The following NLK variants were observed in gnomAD, a reference collection of about 807,000 sequenced individuals.
The protein encoded by NLK is nemo like kinase.
Under a neutral mutation model 59.0 loss-of-function variants are expected in NLK, and 11 were observed. That is an observed-to-expected ratio of 0.19 (90% CI 0.12 to 0.31). NLK has a LOEUF of 0.31. Ranked by LOEUF, NLK falls within the 10% of genes least tolerant of loss-of-function variation. The pLI is 1.00. For missense variants in NLK, 410 were observed against 661.1 expected (o/e 0.62, Z 4.16); for synonymous variants, 235 against 235.9 (o/e 1.00, Z 0.03).
chr17:28,051,019 G>C (rs955699419), intron 1 of NLK, among the ~76,000 whole-genome samples: 2 of 150,996 alleles, frequency 1.3e-5, no homozygotes, highest in African/African-American at 4.9e-5. Flanking sequence ...GTCTGAGGTT[G>C]CAGTGAGCTG....
intron 1 of NLK, among the ~76,000 whole-genome samples, chr17:28,092,049 T>G (rs1490851359): frequency 1.3e-5 from 2 of 152,256 alleles, no homozygotes; most frequent in Non-Finnish European, 2.9e-5. Flanking sequence ...GCTAACAATA[T>G]ACAGGTTTTT....
Position 28,042,835 on chromosome 17 carries a change from G to T in NLK, c.-39G>T. 6.9e-7 allele frequency: 1 copy of T among 1,457,528 alleles called. No individual in the cohort carries two copies. Among genetic ancestry groups the T allele is most frequent in the South Asian group, 1.4e-5 (1 of 69,984 alleles). 90.3% of individuals were successfully genotyped at this position (1,457,528 alleles called of 1,614,324 possible). On this transcript the variant is annotated 5_prime_UTR_variant, in exon 1 of 11. The change abolishes the stop of an existing upstream ORF in the 5' untranslated region. Coordinates refer to ENST00000407008, the MANE Select transcript of NLK (RefSeq NM_016231.5). ...TTTTTAAATGGCCAAATGACAGCTT[G>T]ACCCAGTTTGCTTTCCAATCAAAGG...
chr17:28,075,773 A>C (rs1186977041), intron 1 of NLK, among the ~76,000 whole-genome samples: 1 of 152,024 alleles, frequency 6.6e-6, no homozygotes, highest in African/African-American at 2.4e-5. Flanking sequence ...CCCCCACTTC[A>C]TAAGCTTCCT....
chr17:28,082,228 A>G (rs1910373448), intron 1 of NLK, among the ~76,000 whole-genome samples: 1 of 151,832 alleles, frequency 6.6e-6, no homozygotes, highest in African/African-American at 2.4e-5. Flanking sequence ...TTTTTAAGTA[A>G]CTCCTTAAAT....
chr17:28,057,069 C>T (rs1025592238), intron 1 of NLK, among the ~76,000 whole-genome samples: 1 of 151,718 alleles, frequency 6.6e-6, no homozygotes, highest in Admixed American at 6.6e-5. Flanking sequence ...ATTCTCCTGC[C>T]TCAGCCTCCT....
chr17:28,154,355 A>T (rs1907611838), intron 3 of NLK, among the ~76,000 whole-genome samples: 1 of 152,190 alleles, frequency 6.6e-6, no homozygotes, highest in Non-Finnish European at 1.5e-5. Context: ...ACACCCACTA[A>T]CATAGAATTC....
chr17:28,177,214 A>G (rs562114894), intron 7 of NLK, among the ~76,000 whole-genome samples: 19 of 152,234 alleles, frequency 1.2e-4, no homozygotes, highest in African/African-American at 2.9e-4. Context: ...TATAATTTCT[A>G]TTGAAAAAAA....
chr17:28,173,450 G>A (rs1908552960), intron 7 of NLK, among the ~76,000 whole-genome samples: 2 of 149,124 alleles, frequency 1.3e-5, no homozygotes, highest in Non-Finnish European at 3.0e-5. Flanking sequence ...AAGGGAAGGT[G>A]GCAAAGGGAA....
intron 8 of NLK, among the ~76,000 whole-genome samples, chr17:28,187,395 C>T (rs1288503544): frequency 6.6e-6 from 1 of 152,174 alleles, no homozygotes; most frequent in Non-Finnish European, 1.5e-5. Flanking sequence ...CTCCACCTCC[C>T]GGGTTCAAGC....
intron 1 of NLK, among the ~76,000 whole-genome samples, chr17:28,081,832 A>G (rs1276878114): frequency 6.6e-6 from 1 of 152,188 alleles, no homozygotes; most frequent in Non-Finnish European, 1.5e-5. Flanking sequence ...CTCATCACTG[A>G]ACACTTGTCA....
At chr17:28,181,338 G>A (rs575491625) in intron 7 of NLK, among the ~76,000 whole-genome samples, 1 of 152,248 alleles carries the variant, frequency 6.6e-6, no homozygotes, top group African/African-American at 2.4e-5. Flanking sequence ...GGTGGAGGTT[G>A]CAGTGAGCCG....
Position 28,122,675 on chromosome 17 carries a change from C to A in NLK, c.531C>A (p.Val177=). The A allele has an allele frequency of 6.2e-7, 1 of 1,613,708 alleles. No homozygotes were observed. The highest frequency in any genetic ancestry group is 8.5e-7 in the Non-Finnish European group (1 of 1,179,770). ...KKMPNVFQNL[V]SCKRVFRELK... Reference sequence around the variant, plus strand: ...TGCCCAACGTCTTCCAGAATCTGGTCTCTTGCAAAAGGGTCTTCCGGGAAT... The same window carrying A: ...TGCCCAACGTCTTCCAGAATCTGGTATCTTGCAAAAGGGTCTTCCGGGAAT... Residue 177 remains valine (V), a synonymous_variant, in exon 2 of 11, where the codon GTC becomes GTA. Transcript: ENST00000407008.
intron 1 of NLK, among the ~76,000 whole-genome samples, chr17:28,069,048 G>GTTCA (rs1484177817): frequency 1.3e-5 from 2 of 152,120 alleles, no homozygotes; most frequent in Non-Finnish European, 2.9e-5. Flanking sequence ...ACCCCAGAAA[G>GTTCA]TTCACTCAAG....
chr17:28,050,524 T>C (rs1909214170), intron 1 of NLK, among the ~76,000 whole-genome samples: 1 of 152,202 alleles, frequency 6.6e-6, no homozygotes, highest in African/African-American at 2.4e-5. Flanking sequence ...AAAGGCTCCG[T>C]AGGCGGGCAA....
chr17:28,120,270 G>GTGTGTGTA (rs1905982182), intron 1 of NLK, among the ~76,000 whole-genome samples: 2 of 141,092 alleles, frequency 1.4e-5, no homozygotes, highest in African/African-American at 5.5e-5. Context: ...GTGTGTGTGT[G>GTGTGTGTA]TGTATGTGTG....
chr17:28,178,907 G>A (rs993479934), intron 7 of NLK, among the ~76,000 whole-genome samples: 10 of 152,260 alleles, frequency 6.6e-5, no homozygotes, highest in African/African-American at 1.9e-4. Context: ...ACGTCTGCTC[G>A]GGACACTTGC....
At chr17:28,185,295 A>C in intron 8 of NLK, 30 bp downstream of exon 8, 1 of 1,296,512 alleles carries the variant, frequency 7.7e-7, no homozygotes, top group South Asian at 1.4e-5. Flanking sequence ...ATATATTTTT[A>C]ATGAATTACA....
chr17:28,097,647 T>C (rs886892841), intron 1 of NLK, among the ~76,000 whole-genome samples: 6 of 152,178 alleles, frequency 3.9e-5, no homozygotes, highest in Non-Finnish European at 8.8e-5. Context: ...ATTGCTTTTT[T>C]TCTGTTTGAA....
In NLK at chr17:28,172,255, AATTT is replaced by A. The variant is rs933575806; in HGVS notation, c.1048-253_1048-250del. 2.5e-5 allele frequency among the ~76,000 whole-genome samples: 3 copies of A among 121,472 alleles called. 1 individual carries two copies. In the South Asian group the frequency reaches 7.0e-4, roughly 28 times the overall value. The allele number at this position is 121,472 out of a possible 152,430, so 79.7% of individuals were successfully genotyped here. Reference sequence around the variant, plus strand: ...TTTATTTAAATTCCTTTACATGAGGAATTTATTTATTTTAAATTCCTTTACATGA... The same window carrying A: ...TTTATTTAAATTCCTTTACATGAGGAATTTATTTTAAATTCCTTTACATGA... On this transcript the variant is annotated intron_variant, in intron 6 of 10. Coordinates refer to ENST00000407008, the MANE Select transcript of NLK (RefSeq NM_016231.5).
Sources: allele counts gnomAD v4.1 joint callset (sites outside exome capture counted in the v4.1 genomes callset), GRCh38; gene constraint gnomAD v4.1.1; transcripts MANE v1.5; gene names NCBI Gene and HGNC (gene_info 2026-07-23, HGNC 2026-07-21).